Variants in PXDN observed in about 807,000 individuals in gnomAD.
The protein encoded by PXDN is peroxidasin, also known as peroxidasin homolog.
A neutral mutation model predicts 140.3 loss-of-function variants in PXDN; 77 were observed. The observed-to-expected ratio is 0.55, with a 90% CI of 0.46 to 0.66. The LOEUF (loss-of-function observed/expected upper bound fraction) is 0.66. PXDN is among the 30% of genes least tolerant of loss of function. PXDN has a pLI of 0.00. For missense variants in PXDN, 1,838 were observed against 2,039.5 expected, an observed-to-expected ratio of 0.90 and a Z score of 1.90; for synonymous variants, 911 against 857.4, an observed-to-expected ratio of 1.06 and a Z score of -1.09.
intron 1 of PXDN, among the ~76,000 whole-genome samples, chr2:1,725,120 C>T (rs143334964): frequency 0.013 from 1,993 of 152,262 alleles, 27 homozygotes; most frequent in African/African-American, 0.042. Flanking sequence ...CTTTTTGATG[C>T]TATCATAACA....
chr2:1,712,241 G>C (rs570869149), intron 1 of PXDN, among the ~76,000 whole-genome samples: 2 of 152,272 alleles, frequency 1.3e-5, no homozygotes, highest in Admixed American at 1.3e-4. Context: ...TTTTTATTAC[G>C]ATTTTAGGTT....
intron 1 of PXDN, among the ~76,000 whole-genome samples, chr2:1,740,247 C>G (rs1429656557): frequency 6.6e-6 from 1 of 152,188 alleles, no homozygotes; most frequent in Non-Finnish European, 1.5e-5. Flanking sequence ...CCAGCCGGCT[C>G]CCTGAGTGCC....
chr2:1,655,499 C>T (rs1169835818), intron 14 of PXDN, among the ~76,000 whole-genome samples: 1 of 151,946 alleles, frequency 6.6e-6, no homozygotes, highest in African/African-American at 2.4e-5. Context: ...ATGCACCACA[C>T]ACTGCACATT....
intron 7 of PXDN, among the ~76,000 whole-genome samples, chr2:1,679,306 C>CTG (rs767049824): frequency 3.0e-5 from 4 of 134,480 alleles, no homozygotes; most frequent in Non-Finnish European, 6.3e-5. Context: ...TGGTTTATGT[C>CTG]TGTGTGTCTA....
chr2:1,664,325 T>C (rs1221705920), intron 11 of PXDN: 1 of 156,942 alleles, frequency 6.4e-6, no homozygotes, highest in East Asian at 1.9e-4. Flanking sequence ...GGGTCACTGC[T>C]TGCATCCCAG....
intron 1 of PXDN, among the ~76,000 whole-genome samples, chr2:1,740,191 G>A (rs1243535213): frequency 6.6e-6 from 1 of 152,216 alleles, no homozygotes; most frequent in Admixed American, 6.5e-5. Context: ...TGCTGAGGGT[G>A]GACAGCCAGG....
chr2:1,653,332 T>TGCATAACCCACCCTGGCCAGGATG, intron 16 of PXDN: 1 of 411,864 alleles, frequency 2.4e-6, no homozygotes, highest in Non-Finnish European at 4.7e-6. Flanking sequence ...GGACTGGGCT[T>TGCATAACCCACCCTGGCCAGGATG]GCATAACCCA....
chr2:1,684,280 T>C, intron 4 of PXDN, 129 bp from the exon 5 acceptor site: 1 of 702,050 alleles, frequency 1.4e-6, no homozygotes, highest in Non-Finnish European at 2.5e-6. Flanking sequence ...CTAGACTTCC[T>C]ACATTGTATG....
rs1553359700 is a variant in PXDN, at chr2:1,658,083, T to TCTCTCCCC, written c.1837+2797_1837+2798insGGGGAGAG. Among the ~76,000 whole-genome samples the TCTCTCCCC allele has an allele frequency of 2.6e-3, 199 of 77,750 alleles. 43 individuals are homozygous for TCTCTCCCC. Among genetic ancestry groups the TCTCTCCCC allele is most frequent in the African/African-American group, 9.4e-3 (165 of 17,574 alleles). The allele number at this position is 77,750 out of a possible 152,430, so 51.0% of individuals were successfully genotyped here. On this transcript the variant is annotated intron_variant, in intron 14 of 22. Coordinates refer to ENST00000252804, the MANE Select transcript of PXDN (RefSeq NM_012293.3). Reference sequence around the variant, plus strand: ...CTCTCTCTCTCTCTCTCTCTCTCTCTCTCTCTCTCTGTTACAGTGTCTGCG... The same window carrying TCTCTCCCC: ...CTCTCTCTCTCTCTCTCTCTCTCTCTCTCTCCCCCTCTCTCTCTGTTACAGTGTCTGCG...
In PXDN at chr2:1,720,718, TCTCTCTCACACA is replaced by T. The variant is rs1166414707; in HGVS notation, c.200+23526_200+23537del. 2.7e-3 allele frequency among the ~76,000 whole-genome samples: 377 copies of T among 140,006 alleles called. 8 individuals are homozygous for T. Among genetic ancestry groups the T allele is most frequent in the African/African-American group, 0.011 (362 of 32,144 alleles). The allele number at this position is 140,006 out of a possible 152,430, so 91.8% of individuals were successfully genotyped here. The stretch of plus-strand genomic sequence containing the variant: ...CTCTCTGCATCTCTTTCTCTCTCTC[TCTCTCTCACACA>T]CACACACACACACACACACACACGT... On this transcript the variant is annotated intron_variant, in intron 1 of 22. Transcript: ENST00000252804.
chr2:1,723,121 G>C (rs1685092063), intron 1 of PXDN, among the ~76,000 whole-genome samples: 1 of 152,150 alleles, frequency 6.6e-6, no homozygotes, highest in South Asian at 2.1e-4. Context: ...TGGACAGATG[G>C]ACTAATGAAT....
chr2:1,670,795 G>A (rs1483709516), intron 9 of PXDN, among the ~76,000 whole-genome samples: 5 of 152,180 alleles, frequency 3.3e-5, no homozygotes, highest in Non-Finnish European at 5.9e-5. Flanking sequence ...AACAGCAGCT[G>A]CATCCCCACA....
Position 1,634,015 on chromosome 2 carries a change from G to A in PXDN, c.*189C>T. On this transcript the variant is annotated 3_prime_UTR_variant, in exon 23 of 23. Coordinates refer to ENST00000252804, the MANE Select transcript of PXDN (RefSeq NM_012293.3). ...CTGCTTCCCTTCAGGCACCTGCTGT[G>A]CCTCCTTCTCCGCAGATGCTCTGGT... 1.3e-6 allele frequency: 1 copy of A among 752,286 alleles called. No homozygotes were observed. The highest frequency in any genetic ancestry group is 2.0e-6 in the Non-Finnish European group (1 of 507,178). 46.6% of individuals were successfully genotyped at this position (752,286 alleles called of 1,614,324 possible).
At chr2:1,646,960 A>T (rs918303150) in intron 17 of PXDN, among the ~76,000 whole-genome samples, 3 of 152,154 alleles carry the variant, frequency 2.0e-5, no homozygotes, top group African/African-American at 4.8e-5. Flanking sequence ...CAGTAGCGTG[A>T]TCTCGGCTCA....
At position 1,680,335 on chromosome 2, in the gene PXDN, G is replaced by C; in HGVS notation, c.588C>G (p.Cys196Trp). The C allele has an allele frequency of 6.2e-7, 1 of 1,614,002 alleles. No individual in the cohort carries two copies. Among genetic ancestry groups the C allele is most frequent in the Non-Finnish European group, 8.5e-7 (1 of 1,179,886 alleles). ...RLRLDSNTLH[C>W]DCEILWLADL... ...CCGCCAACCACAGGATTTCACAGTC[G>C]CAGTGAAGTGTGTTTGAGTCCAGTC... The change falls in exon 7 of 23, where the codon TGC becomes TGG. Residue 196 changes from cysteine (C) to tryptophan (W), a missense_variant. Coordinates refer to ENST00000252804, the MANE Select transcript of PXDN (RefSeq NM_012293.3).
At chr2:1,704,346 A>AGG (rs1572175186) in intron 1 of PXDN, among the ~76,000 whole-genome samples, 1 of 51,596 alleles carries the variant, frequency 1.9e-5, no homozygotes, top group Non-Finnish European at 4.0e-5. Flanking sequence ...CTCCAGGTGA[A>AGG]AGAGGGACAA....
At chr2:1,683,756 A>G in intron 5 of PXDN, 29 bp from the exon 6 acceptor site, 1 of 1,514,504 alleles carries the variant, frequency 6.6e-7, no homozygotes, top group Non-Finnish European at 9.0e-7. Context: ...TAACAAACCA[A>G]TTTTGAAAAA....
chr2:1,666,534 A>G (rs1259676102), intron 9 of PXDN, 48 bp from the exon 10 acceptor site: 2 of 1,537,722 alleles, frequency 1.3e-6, no homozygotes, highest in Non-Finnish European at 1.8e-6. Context: ...CCGGTTTGAC[A>G]TGGTTTTTGC....
intron 17 of PXDN, among the ~76,000 whole-genome samples, chr2:1,645,560 C>T (rs1182927920): frequency 6.6e-6 from 1 of 152,214 alleles, no homozygotes; most frequent in African/African-American, 2.4e-5. Flanking sequence ...GAACAGGATG[C>T]ACACAGGGCT....
Sources: gnomAD v4.1 joint callset for allele counts (sites outside exome capture counted in the v4.1 genomes callset) on GRCh38, gnomAD v4.1.1 for gene constraint, MANE v1.5 for transcripts, NCBI Gene and HGNC (gene_info 2026-07-23, HGNC 2026-07-21) for gene names.